CTNND2: variants seen among roughly 807,000 people sequenced by gnomAD.
CTNND2 encodes catenin delta 2, also known as catenin delta-2.
In CTNND2, 22 loss-of-function variants were observed where a neutral mutation model predicts 144.4. The observed-to-expected ratio is 0.15, with a 90% CI of 0.11 to 0.22. The LOEUF (loss-of-function observed/expected upper bound fraction) is 0.22, where lower values mean the gene tolerates loss of function less well. CTNND2 is among the 10% of genes least tolerant of loss of function. The probability of loss-of-function intolerance (pLI) is 1.00; values close to 1 mark genes in which losing one functional copy is unlikely to be tolerated. For missense variants in CTNND2, 1,353 were observed against 1,618.8 expected (o/e 0.84, Z 2.82); for synonymous variants, 751 against 695.6 (o/e 1.08, Z -1.25).
At chr5:11,305,614 C>T (rs775711016) in intron 9 of CTNND2, among the ~76,000 whole-genome samples, 1 of 152,152 alleles carries the variant, frequency 6.6e-6, no homozygotes, top group Non-Finnish European at 1.5e-5. Context: ...CTGCTATGAG[C>T]CAGGTGCAGA....
intron 2 of CTNND2, among the ~76,000 whole-genome samples, chr5:11,597,922 G>A (rs1779597949): frequency 1.3e-5 from 2 of 152,160 alleles, no homozygotes; most frequent in Non-Finnish European, 2.9e-5. Context: ...GTATTTTATT[G>A]AGAAGTCAAC....
intron 16 of CTNND2, among the ~76,000 whole-genome samples, chr5:11,054,421 A>T (rs1746146418): frequency 6.6e-6 from 1 of 152,226 alleles, no homozygotes; most frequent in South Asian, 2.1e-4. Context: ...CAGAAATAAA[A>T]GGTATGCAAG....
At chr5:11,845,861 T>G (rs1241884343) in intron 1 of CTNND2, among the ~76,000 whole-genome samples, 2 of 152,188 alleles carry the variant, frequency 1.3e-5, no homozygotes, top group Non-Finnish European at 2.9e-5. Flanking sequence ...TTTGAGTCTG[T>G]GATAAATTGT....
chr5:11,362,077 C>T (rs1756507210), intron 8 of CTNND2, among the ~76,000 whole-genome samples: 1 of 152,138 alleles, frequency 6.6e-6, no homozygotes, highest in Non-Finnish European at 1.5e-5. Flanking sequence ...AGAACCTGTC[C>T]TCTTCTTTCA....
At chr5:11,605,834 T>TGTCCC (rs1249572996) in intron 2 of CTNND2, among the ~76,000 whole-genome samples, 2 of 152,246 alleles carry the variant, frequency 1.3e-5, no homozygotes, top group East Asian at 3.9e-4. Flanking sequence ...ATTCTAAAGA[T>TGTCCC]GTCCCCCGCC....
intron 7 of CTNND2, 87 bp from the exon 8 acceptor site, chr5:11,364,977 GAC>G: frequency 8.5e-7 from 1 of 1,172,312 alleles, no homozygotes; most frequent in African/African-American, 1.6e-5. Flanking sequence ...AATTTTTTTG[GAC>G]AAAATTGTTG....
At position 11,687,183 on chromosome 5, in the gene CTNND2, G is replaced by T. The variant is rs1436449799; in HGVS notation, c.174+44953C>A. On this transcript the variant is annotated intron_variant, in intron 2 of 21. Transcript: ENST00000304623. ...ATTCTCTTCAATTTATTCTTCATGCGATTTCCGGAGTGATCTGGCTAAAAC... is the reference window on the plus strand; with the variant it reads ...ATTCTCTTCAATTTATTCTTCATGCTATTTCCGGAGTGATCTGGCTAAAAC... Among the ~76,000 whole-genome samples, 3 of 152,132 alleles carry T rather than the reference G, an allele frequency of 2.0e-5. No homozygotes were observed. The South Asian group carries it at 6.2e-4, about 32-fold the overall frequency.
intron 9 of CTNND2, among the ~76,000 whole-genome samples, chr5:11,316,077 C>A (rs1170985577): frequency 6.6e-6 from 1 of 152,018 alleles, no homozygotes; most frequent in African/African-American, 2.4e-5. Flanking sequence ...AATCTGATTC[C>A]AGACCTAAAT....
At chr5:11,164,276 C>T (rs1759081360) in intron 11 of CTNND2, among the ~76,000 whole-genome samples, 1 of 152,204 alleles carries the variant, frequency 6.6e-6, no homozygotes, top group Non-Finnish European at 1.5e-5. Context: ...GTAACATTTA[C>T]AGGCTCTGGA....
intron 3 of CTNND2, among the ~76,000 whole-genome samples, chr5:11,449,799 T>C (rs1301346611): frequency 5.3e-5 from 8 of 152,342 alleles, no homozygotes; most frequent in South Asian, 2.1e-4. Context: ...AGAGTGAAGA[T>C]AGTTTCTATC....
intron 16 of CTNND2, among the ~76,000 whole-genome samples, chr5:11,029,214 GCAT>G (rs1743189540): frequency 6.6e-6 from 1 of 152,016 alleles, no homozygotes; most frequent in Non-Finnish European, 1.5e-5. Context: ...ACATATAATT[GCAT>G]CATATTTTTT....
At position 11,903,831 on chromosome 5, in the gene CTNND2, C is replaced by T. The variant is rs1051952712; in HGVS notation, c.23G>A (p.Gly8Asp). Residue 8 changes from glycine (G) to aspartate (D), a missense_variant, in exon 1 of 22, where the codon GGC becomes GAC. Physicochemically the swap from Gly to Asp is moderately conservative, Grantham distance 94 (BLOSUM62 -1). Transcript: ENST00000304623. The surrounding 1 kb of genome is among the most constrained non-coding windows in gnomAD (Gnocchi z 5.4). ...CCGCAACTCACCCAAAGGCGCGGCG[C>T]CCGGCGGCTTCCTCGCAAACATGCA... The part of the protein sequence containing the change: MFARKPP[G>D]AAPLGAMPVP... The T allele has an allele frequency of 7.4e-6, 11 of 1,482,908 alleles. No homozygotes were observed. The highest frequency in any genetic ancestry group is 7.3e-5 in the African/African-American group (5 of 68,278). 91.9% of individuals were successfully genotyped at this position (1,482,908 alleles called of 1,614,324 possible). A position where few individuals can be genotyped will look rare whatever the true frequency, so the allele number is the denominator to read the frequency against.
chr5:11,729,106 G>A (rs1195216748), intron 2 of CTNND2, among the ~76,000 whole-genome samples: 1 of 151,820 alleles, frequency 6.6e-6, no homozygotes, highest in East Asian at 1.9e-4. Context: ...CTAATTCCCA[G>A]CTTCTGACTT....
intron 11 of CTNND2, among the ~76,000 whole-genome samples, chr5:11,197,421 C>A (rs1469748000): frequency 6.6e-6 from 1 of 152,234 alleles, no homozygotes; most frequent in Non-Finnish European, 1.5e-5. Flanking sequence ...AAACCCCCAG[C>A]ACATGCTGAT....
chr5:11,090,680 C>T (rs564537540), intron 15 of CTNND2, among the ~76,000 whole-genome samples: 5 of 152,274 alleles, frequency 3.3e-5, no homozygotes, highest in East Asian at 3.9e-4. Flanking sequence ...TTGTCTTCCA[C>T]GAAACTGGTT....
At chr5:11,585,490 ATC>A (rs1561590852) in intron 2 of CTNND2, among the ~76,000 whole-genome samples, 173 of 150,974 alleles carry the variant, frequency 1.1e-3, no homozygotes, top group Non-Finnish European at 1.3e-3. Flanking sequence ...ATGTATATCT[ATC>A]TATCTATCTA....
chr5:10,975,828 C>G (rs879840443), intron 21 of CTNND2, among the ~76,000 whole-genome samples: 6 of 152,230 alleles, frequency 3.9e-5, no homozygotes, highest in Non-Finnish European at 7.3e-5. Context: ...GGTTATAGCT[C>G]TCCTCCAAAG....
intron 9 of CTNND2, among the ~76,000 whole-genome samples, chr5:11,345,838 C>A (rs1754721683): frequency 6.6e-6 from 1 of 151,848 alleles, no homozygotes; most frequent in Non-Finnish European, 1.5e-5. Context: ...AACAATTTCT[C>A]TAATATATTA....
In CTNND2 at chr5:11,078,137, C is replaced by T. The variant is rs576806961; in HGVS notation, c.2788+4559G>A. Among the ~76,000 whole-genome samples, 5 of 152,304 alleles carry T rather than the reference C, an allele frequency of 3.3e-5. No individual in the cohort carries two copies. In the South Asian group the frequency reaches 1.0e-3, roughly 32 times the overall value. ...TCAATGCCATGAAACCATATGATGT[C>T]ACCCTAGCCTTCTGTGAGAGGTGAT... is the stretch of plus-strand genomic sequence containing the variant. On this transcript the variant is annotated intron_variant, in intron 16 of 21. Coordinates refer to ENST00000304623, the MANE Select transcript of CTNND2 (RefSeq NM_001332.4).
Sources: allele counts gnomAD v4.1 joint callset (sites outside exome capture counted in the v4.1 genomes callset), GRCh38; gene constraint gnomAD v4.1.1; non-coding constraint Gnocchi (gnomAD v3.1); transcripts MANE v1.5; gene names NCBI Gene and HGNC (gene_info 2026-07-23, HGNC 2026-07-21).